SHROOM3: variants seen among roughly 807,000 people sequenced by gnomAD.
The protein encoded by SHROOM3 is protein Shroom3.
SHROOM3 carries 47 observed loss-of-function variants against 138.6 expected under a neutral mutation model. That is an observed-to-expected ratio of 0.34 (90% confidence interval 0.27 to 0.43). The LOEUF is 0.43. Ranked by LOEUF, SHROOM3 falls within the 20% of genes least tolerant of loss-of-function variation. SHROOM3 has a pLI of 1.00. For missense variants in SHROOM3, 2,491 were observed against 2,596.5 expected, an observed-to-expected ratio of 0.96 and a Z score of 0.88; for synonymous variants, 1,062 against 1,063.3, an observed-to-expected ratio of 1.00 and a Z score of 0.02.
intron 3 of SHROOM3, among the ~76,000 whole-genome samples, chr4:76,715,593 C>G (rs1720350082): frequency 1.3e-5 from 2 of 152,212 alleles, no homozygotes; most frequent in Non-Finnish European, 2.9e-5. Flanking sequence ...CTCACCTTCT[C>G]CCACAAGTCA....
chr4:76,749,229 CTT>C (rs11374158), intron 6 of SHROOM3, 139 bp downstream of exon 6: 6 of 637,106 alleles, frequency 9.4e-6, no homozygotes, highest in Non-Finnish European at 1.6e-5. Context: ...CCATGGATAA[CTT>C]TTTTTTTTAG....
intron 1 of SHROOM3, among the ~76,000 whole-genome samples, chr4:76,546,352 A>G (rs1003746527): frequency 6.6e-6 from 1 of 152,212 alleles, no homozygotes; most frequent in Non-Finnish European, 1.5e-5. Flanking sequence ...TGAGAGGTAG[A>G]TGGGAAGAAC....
chr4:76,774,708 G>GTTTTTTTTTTTTTT (rs1158392432), intron 10 of SHROOM3, among the ~76,000 whole-genome samples: 1 of 133,476 alleles, frequency 7.5e-6, no homozygotes, highest in Non-Finnish European at 1.6e-5. Context: ...GGTTTTTTGG[G>GTTTTTTTTTTTTTT]GTTTTTTTTT....
intron 3 of SHROOM3, among the ~76,000 whole-genome samples, chr4:76,718,391 CTT>C (rs1217341643): frequency 6.6e-6 from 1 of 152,244 alleles, no homozygotes; most frequent in African/African-American, 2.4e-5. Context: ...GTGTTAAAGT[CTT>C]TTACATTTTC....
intron 9 of SHROOM3, among the ~76,000 whole-genome samples, chr4:76,769,118 GTGT>G (rs1039181672): frequency 1.3e-5 from 2 of 150,056 alleles, no homozygotes; most frequent in African/African-American, 4.9e-5. Context: ...TTTTGTGTGT[GTGT>G]TTTTTTTTTC....
chr4:76,586,193 G>A, intron 2 of SHROOM3: 1 of 951,672 alleles, frequency 1.1e-6, no homozygotes, highest in Middle Eastern at 5.3e-4. Flanking sequence ...GCCGGGAGGA[G>A]GCAGTCATTC....
At chr4:76,554,039 G>A (rs1288363508) in intron 1 of SHROOM3, among the ~76,000 whole-genome samples, 1 of 152,140 alleles carries the variant, frequency 6.6e-6, no homozygotes, top group East Asian at 1.9e-4. Context: ...AAATGTACAA[G>A]GCATGTGTCC....
At position 76,443,658 on chromosome 4, in the gene SHROOM3, C is replaced by T. The variant is rs113893374; in HGVS notation, c.168+7438C>T. 5.2e-3 allele frequency among the ~76,000 whole-genome samples: 790 copies of T among 152,326 alleles called. 13 individuals carry two copies. The highest frequency in any genetic ancestry group is 0.018 in the African/African-American group (751 of 41,576). On this transcript the variant is annotated intron_variant, in intron 1 of 10. Coordinates refer to ENST00000296043, the MANE Select transcript of SHROOM3 (RefSeq NM_020859.4). ...AACAAAATGAGGCAAAGATTCTCTACTAAATCTAAGCACTGTTTCTCCCCC... is the reference window on the plus strand; with the variant it reads ...AACAAAATGAGGCAAAGATTCTCTATTAAATCTAAGCACTGTTTCTCCCCC...
At chr4:76,665,258 A>G (rs1281335117) in intron 2 of SHROOM3, among the ~76,000 whole-genome samples, 1 of 152,154 alleles carries the variant, frequency 6.6e-6, no homozygotes, top group Non-Finnish European at 1.5e-5. Context: ...AGCTTTACCT[A>G]TGAAGTACTC....
intron 1 of SHROOM3, among the ~76,000 whole-genome samples, chr4:76,463,255 G>A (rs1241245690): frequency 4.6e-5 from 7 of 152,176 alleles, no homozygotes; most frequent in Admixed American, 4.6e-4. Context: ...AGAGGCTGGT[G>A]GCATTGTGCC....
chr4:76,447,982 T>G (rs1730847989), intron 1 of SHROOM3, among the ~76,000 whole-genome samples: 1 of 152,112 alleles, frequency 6.6e-6, no homozygotes, highest in Non-Finnish European at 1.5e-5. Context: ...CCACCTTGCT[T>G]CTTTAACAGA....
At position 76,435,996 on chromosome 4, in the gene SHROOM3, C is replaced by T; in HGVS notation, c.-57C>T. The T allele has an allele frequency of 1.3e-6, 2 of 1,587,328 alleles. No individual in the cohort carries two copies. The highest frequency in any genetic ancestry group is 2.2e-5 in the East Asian group (1 of 44,706). On this transcript the variant is annotated 5_prime_UTR_variant, in exon 1 of 11. Transcript: ENST00000296043. ...GACAACTTGTGCTGTAGAAGCACTGCTTGCCTGAGTTTGCTTCAGGCATTT... is the reference window on the plus strand; with the variant it reads ...GACAACTTGTGCTGTAGAAGCACTGTTTGCCTGAGTTTGCTTCAGGCATTT...
At chr4:76,557,211 G>A (rs915543029) in intron 2 of SHROOM3, among the ~76,000 whole-genome samples, 7 of 128,746 alleles carry the variant, frequency 5.4e-5, no homozygotes, top group Non-Finnish European at 9.8e-5. Flanking sequence ...GTGTATATAT[G>A]TATATGTTTA....
intron 2 of SHROOM3, among the ~76,000 whole-genome samples, chr4:76,609,406 C>G (rs533648413): frequency 5.3e-5 from 8 of 152,316 alleles, no homozygotes; most frequent in African/African-American, 1.9e-4. Flanking sequence ...CTTCAGCCTC[C>G]TGGGTAGCTA....
chr4:76,471,582 A>G (rs961302991), intron 1 of SHROOM3, among the ~76,000 whole-genome samples: 3 of 152,180 alleles, frequency 2.0e-5, no homozygotes, highest in Admixed American at 6.5e-5. Flanking sequence ...TCCTTAATGT[A>G]GCAAATCTAA....
At chr4:76,770,981 C>T in intron 10 of SHROOM3, 83 bp downstream of exon 10, 1 of 1,550,602 alleles carries the variant, frequency 6.4e-7, no homozygotes, top group Non-Finnish European at 8.9e-7. Context: ...GCCATCCTTT[C>T]TCTCAGGAAG....
intron 2 of SHROOM3, among the ~76,000 whole-genome samples, chr4:76,560,028 A>G (rs1002425249): frequency 6.6e-6 from 1 of 152,224 alleles, no homozygotes; most frequent in African/African-American, 2.4e-5. Flanking sequence ...AACATTCCCA[A>G]AGGAAAATAA....
At chr4:76,671,353 C>T (rs182000744) in intron 2 of SHROOM3, among the ~76,000 whole-genome samples, 1 of 152,224 alleles carries the variant, frequency 6.6e-6, no homozygotes, top group African/African-American at 2.4e-5. Flanking sequence ...TTAAAAACTT[C>T]CAATGGCTTC....
intron 6 of SHROOM3, 152 bp downstream of exon 6, chr4:76,749,242 T>C (rs1721546850): frequency 1.5e-6 from 1 of 653,432 alleles, no homozygotes; most frequent in South Asian, 1.9e-5. Context: ...TTTTTTTTAG[T>C]TTTATTATTA....
Sources: allele counts gnomAD v4.1 joint callset (sites outside exome capture counted in the v4.1 genomes callset), GRCh38; gene constraint gnomAD v4.1.1; transcripts MANE v1.5; gene names NCBI Gene and HGNC (gene_info 2026-07-23, HGNC 2026-07-21).